Variants in RASA1 observed in about 807,000 individuals in gnomAD.
RASA1 encodes the protein ras GTPase-activating protein 1.
A neutral mutation model predicts 132.2 loss-of-function variants in RASA1; 25 were observed. That is an observed-to-expected ratio of 0.19 (90% CI 0.14 to 0.26). The LOEUF (loss-of-function observed/expected upper bound fraction) is 0.26, where lower values mean the gene tolerates loss of function less well. RASA1 is among the 10% of genes least tolerant of loss of function. The probability of loss-of-function intolerance (pLI) is 1.00; values close to 1 mark genes in which losing one functional copy is unlikely to be tolerated. For synonymous variants in RASA1, 477 were observed against 449.9 expected (o/e 1.06, Z -0.76); for missense variants, 964 against 1,299.2 (o/e 0.74, Z 3.97).
intron 9 of RASA1, among the ~76,000 whole-genome samples, chr5:87,358,892 A>G (rs1759859275): frequency 6.6e-6 from 1 of 152,176 alleles, no homozygotes; most frequent in Non-Finnish European, 1.5e-5. Context: ...TTGGATATCC[A>G]CTAGCCTCAC....
intron 1 of RASA1, among the ~76,000 whole-genome samples, chr5:87,320,174 A>G (rs949154652): frequency 6.6e-6 from 1 of 152,106 alleles, no homozygotes; most frequent in Non-Finnish European, 1.5e-5. Flanking sequence ...TGTCCATATC[A>G]CTGTCAGCAT....
At chr5:87,270,734 G>T (rs1189903477) in intron 1 of RASA1, among the ~76,000 whole-genome samples, 1 of 131,788 alleles carries the variant, frequency 7.6e-6, no homozygotes, top group Non-Finnish European at 1.5e-5. Flanking sequence ...ATTAGGAAAA[G>T]ATTCTGTTAC....
rs192302070 is a variant in RASA1 at position 87,360,601 on chromosome 5, G to T, written c.1333-1950G>T. On this transcript the variant is annotated intron_variant, in intron 9 of 24. Transcript: ENST00000274376. ...TACTTTCAGTAATTTTTTATACAAA[G>T]GCCCTTTAATATTTGCCCATTCACA... Among the ~76,000 whole-genome samples the T allele has an allele frequency of 1.7e-3, 254 of 152,132 alleles. 1 individual carries two copies. Among genetic ancestry groups the T allele is most frequent in the African/African-American group, 5.9e-3 (244 of 41,502 alleles).
intron 15 of RASA1, 95 bp from the exon 16 acceptor site, chr5:87,376,298 C>A (rs1038681689): frequency 7.1e-7 from 1 of 1,407,838 alleles, no homozygotes; most frequent in Non-Finnish European, 9.8e-7. Flanking sequence ...AAGCATTTAA[C>A]ACCATAGGGA....
At chr5:87,371,457 T>C (rs1474697046) in intron 12 of RASA1, among the ~76,000 whole-genome samples, 1 of 152,172 alleles carries the variant, frequency 6.6e-6, no homozygotes, top group African/African-American at 2.4e-5. Flanking sequence ...AATATTTAGA[T>C]TTGTTTTTAA....
At chr5:87,332,112 A>G (rs1190954044) in intron 2 of RASA1, among the ~76,000 whole-genome samples, 1 of 152,160 alleles carries the variant, frequency 6.6e-6, no homozygotes, top group Non-Finnish European at 1.5e-5. Context: ...CACATGTAGT[A>G]TGTGAAATTA....
At chr5:87,315,238 A>G (rs1426134883) in intron 1 of RASA1, among the ~76,000 whole-genome samples, 1 of 152,212 alleles carries the variant, frequency 6.6e-6, no homozygotes, top group Non-Finnish European at 1.5e-5. Context: ...ACTATTTCTT[A>G]CAATTTTGGA....
At position 87,268,925 on chromosome 5, in the gene RASA1, T is replaced by C. The variant is rs148256526; in HGVS notation, c.474T>C (p.Ser158=). ...AGLGTVDEGD[S]LDGPEYEEEE... ...TCGGGACAGTGGACGAAGGTGACTCTCTGGATGGACCAGAATACGAGGAGG... is the reference window on the plus strand; with the variant it reads ...TCGGGACAGTGGACGAAGGTGACTCCCTGGATGGACCAGAATACGAGGAGG... Residue 158 remains serine (S), a synonymous_variant, in exon 1 of 25, where the codon TCT becomes TCC. Coordinates refer to ENST00000274376, the MANE Select transcript of RASA1 (RefSeq NM_002890.3). 9 of 1,614,052 alleles carry C rather than the reference T, an allele frequency of 5.6e-6. No homozygotes were observed. The African/African-American group carries it at 1.2e-4, about 22-fold the overall frequency.
intron 13 of RASA1, among the ~76,000 whole-genome samples, chr5:87,373,063 A>G (rs1761065423): frequency 5.3e-5 from 8 of 152,146 alleles, no homozygotes; most frequent in Admixed American, 5.2e-4. Context: ...TGCTAATAAG[A>G]GCAAGTTGTA....
intron 11 of RASA1, among the ~76,000 whole-genome samples, chr5:87,364,996 C>T (rs987171027): frequency 1.3e-5 from 2 of 152,104 alleles, no homozygotes; most frequent in African/African-American, 4.8e-5. Flanking sequence ...GGAGAGGCAA[C>T]ACTATTCACT....
At chr5:87,359,849 G>C (rs974756129) in intron 9 of RASA1, among the ~76,000 whole-genome samples, 3 of 152,054 alleles carry the variant, frequency 2.0e-5, no homozygotes, top group Admixed American at 6.5e-5. Flanking sequence ...CCAAATTTTT[G>C]TTCCATGTTT....
intron 22 of RASA1, among the ~76,000 whole-genome samples, chr5:87,386,519 T>TAA (rs1762072307): frequency 6.6e-6 from 1 of 152,062 alleles, no homozygotes; most frequent in South Asian, 2.1e-4. Context: ...GGCTATGTGT[T>TAA]ACGATTTGTG....
intron 22 of RASA1, 62 bp from the exon 23 acceptor site, chr5:87,386,764 A>G (rs1762089652): frequency 6.2e-6 from 9 of 1,449,984 alleles, no homozygotes; most frequent in South Asian, 1.1e-5. Context: ...TTTTGCACCA[A>G]CCTAATAGAT....
intron 1 of RASA1, among the ~76,000 whole-genome samples, chr5:87,311,342 A>G (rs1025702514): frequency 6.6e-6 from 1 of 152,278 alleles, no homozygotes; most frequent in Non-Finnish European, 1.5e-5. Context: ...TGTATCTACA[A>G]CTGTGACTTT....
Position 87,383,799 on chromosome 5 carries a change from A to G in RASA1, c.2758+19A>G. Reference sequence around the variant, plus strand: ...ATCTCAGGTAATCAGCTTTTGATACATTTTGAAATTCAAAATATTAGAATT... The same window carrying G: ...ATCTCAGGTAATCAGCTTTTGATACGTTTTGAAATTCAAAATATTAGAATT... On this transcript the variant is annotated intron_variant, in intron 21 of 24. Coordinates refer to ENST00000274376, the MANE Select transcript of RASA1 (RefSeq NM_002890.3). 1 of 1,587,252 alleles carries G rather than the reference A, an allele frequency of 6.3e-7. No individual in the cohort carries two copies. Among genetic ancestry groups the G allele is most frequent in the Non-Finnish European group, 8.6e-7 (1 of 1,157,400 alleles).
At chr5:87,338,369 T>C (rs1758131979) in intron 5 of RASA1, among the ~76,000 whole-genome samples, 1 of 150,564 alleles carries the variant, frequency 6.6e-6, no homozygotes, top group African/African-American at 2.4e-5. Context: ...TCTTGGTCTG[T>C]TACCCAGGCT....
At chr5:87,312,656 T>C (rs1374026922) in intron 1 of RASA1, among the ~76,000 whole-genome samples, 1 of 152,176 alleles carries the variant, frequency 6.6e-6, no homozygotes, top group East Asian at 1.9e-4. Flanking sequence ...GAAAGATAGT[T>C]TGCAACTGGA....
intron 1 of RASA1, among the ~76,000 whole-genome samples, chr5:87,317,593 A>G (rs1213116872): frequency 1.3e-5 from 2 of 150,900 alleles, no homozygotes; most frequent in Non-Finnish European, 2.9e-5. Flanking sequence ...TTTTAAGGAA[A>G]AGATGACCTT....
intron 1 of RASA1, among the ~76,000 whole-genome samples, chr5:87,315,875 A>G (rs1470211679): frequency 6.6e-6 from 1 of 152,196 alleles, no homozygotes; most frequent in Admixed American, 6.5e-5. Context: ...GTTTAATTTC[A>G]AAAAATGGAT....
Sources: gnomAD v4.1 joint callset for allele counts (sites outside exome capture counted in the v4.1 genomes callset) on GRCh38, gnomAD v4.1.1 for gene constraint, MANE v1.5 for transcripts, NCBI Gene and HGNC (gene_info 2026-07-23, HGNC 2026-07-21) for gene names.